The following HAUS5 variants were observed in gnomAD, a reference collection of about 807,000 sequenced individuals.
HAUS5 encodes the protein HAUS augmin-like complex subunit 5.
HAUS5 carries 67 observed loss-of-function variants against 94.1 expected under a neutral mutation model. The observed-to-expected ratio is 0.71, with a 90% confidence interval of 0.58 to 0.87. The LOEUF is 0.87. HAUS5 is among the 40% of genes least tolerant of loss of function. The pLI is 0.00. For synonymous variants in HAUS5, 339 were observed against 355.4 expected (o/e 0.95, Z 0.52); for missense variants, 739 against 825.6 (o/e 0.90, Z 1.29).
At chr19:35,614,890 G>C (rs2071927319) in intron 4 of HAUS5, 152 bp from the exon 5 acceptor site, 1 of 609,324 alleles carries the variant, frequency 1.6e-6, no homozygotes. Context: ...GGAGGAAGGA[G>C]GGAGGGAGCC....
chr19:35,613,170 CAAG>C (rs1048465266), intron 1 of HAUS5, among the ~76,000 whole-genome samples: 1 of 152,158 alleles, frequency 6.6e-6, no homozygotes, highest in African/African-American at 2.4e-5. Flanking sequence ...TTAACCTAAC[CAAG>C]AAGGACACTC....
In HAUS5 at chr19:35,622,739, A is replaced by AGGGGAACGTGCCGCGGAT. The variant is rs1428899193; in HGVS notation, c.1784+10_1784+27dup. Reference sequence around the variant, plus strand: ...CAGGGGATCGTGGGGGACTGGTGAGAGGGGAACGTGCCGCGGATGGGAAAC... The same window carrying AGGGGAACGTGCCGCGGAT: ...CAGGGGATCGTGGGGGACTGGTGAGAGGGGAACGTGCCGCGGATGGGGAACGTGCCGCGGATGGGAAAC... On this transcript the variant is annotated splice_region_variant and intron_variant, in intron 18 of 18. Transcript: ENST00000203166. The AGGGGAACGTGCCGCGGAT allele has an allele frequency of 6.2e-7, 1 of 1,613,840 alleles. No homozygotes were observed. The highest frequency in any genetic ancestry group is 1.7e-5 in the Admixed American group (1 of 60,006).
At chr19:35,614,862 G>A (rs189472980) in intron 4 of HAUS5, among the ~76,000 whole-genome samples, 180 bp from the exon 5 acceptor site, 14 of 152,290 alleles carry the variant, frequency 9.2e-5, no homozygotes, top group Admixed American at 8.5e-4. Context: ...GGCTGGAAGT[G>A]TGGGTAAGAC....
chr19:35,616,114 C>T (rs910881196), intron 6 of HAUS5, among the ~76,000 whole-genome samples: 3 of 151,924 alleles, frequency 2.0e-5, no homozygotes, highest in East Asian at 3.9e-4. Flanking sequence ...GTCAGGAGTT[C>T]GAAACCAGCC....
chr19:35,615,155 A>G lies in HAUS5; in HGVS notation c.325+8A>G. The G allele has an allele frequency of 3.1e-6, 5 of 1,610,926 alleles. No homozygotes were observed. Among genetic ancestry groups the G allele is most frequent in the Non-Finnish European group, 4.2e-6 (5 of 1,178,406 alleles). On this transcript the variant is annotated splice_region_variant and intron_variant, in intron 5 of 18. Transcript: ENST00000203166. ...GAGACACTGAGGCTCAGGGTGAGCC[A>G]TGGGGCCAGAAGATGGGCACCAGAA...
intron 4 of HAUS5, among the ~76,000 whole-genome samples, chr19:35,614,405 T>C (rs1322755031): frequency 1.3e-5 from 2 of 151,854 alleles, no homozygotes; most frequent in Non-Finnish European, 2.9e-5. Context: ...GCCAACACGG[T>C]GAAGCCCTGT....
At chr19:35,617,804 GATA>G in intron 8 of HAUS5, 48 bp from the exon 9 acceptor site, 1 of 1,497,708 alleles carries the variant, frequency 6.7e-7, no homozygotes, top group Non-Finnish European at 9.3e-7. Flanking sequence ...ATAACTAGAG[GATA>G]ATTGACGTGT....
At position 35,620,133 on chromosome 19, in the gene HAUS5, C is replaced by T. The variant is rs546587537; in HGVS notation, c.1518+10C>T. 99 of 1,612,972 alleles carry T rather than the reference C, an allele frequency of 6.1e-5. No individual in the cohort carries two copies. The highest frequency in any genetic ancestry group is 1.6e-4 in the Middle Eastern group (1 of 6,068). On this transcript the variant is annotated intron_variant, in intron 16 of 18. Coordinates refer to ENST00000203166, the MANE Select transcript of HAUS5 (RefSeq NM_015302.2). Reference sequence around the variant, plus strand: ...GCTGCCTCCAGGGAAGGTGAGTGCCCGTCTCCTGTGACTTGTCTCCCCAGC... The same window carrying T: ...GCTGCCTCCAGGGAAGGTGAGTGCCTGTCTCCTGTGACTTGTCTCCCCAGC...
intron 6 of HAUS5, 67 bp downstream of exon 6, chr19:35,615,453 C>G: frequency 3.3e-6 from 4 of 1,210,992 alleles, no homozygotes; most frequent in South Asian, 2.8e-5. Flanking sequence ...CCTCAGGGCT[C>G]TGCCCTGATC....
chr19:35,622,252 C>T (rs1967219490), intron 17 of HAUS5, among the ~76,000 whole-genome samples: 2 of 151,838 alleles, frequency 1.3e-5, no homozygotes, highest in Non-Finnish European at 2.9e-5. Context: ...GAGACTGAGG[C>T]CTGGAGCAGA....
rs1221295221 is a variant in HAUS5, at chr19:35,623,634, A to G, written c.*641A>G. ...TAGTTTGTATAGTTTCTTTTTTTAC[A>G]TGTAAATCAGCCATTTGGAATTTAT... On this transcript the variant is annotated 3_prime_UTR_variant, in exon 19 of 19. Transcript: ENST00000203166. 1 of 152,312 alleles carries G rather than the reference A, an allele frequency of 6.6e-6. No homozygotes were observed. The allele number at this position is 152,312 out of a possible 1,614,324, so 9.4% of individuals were successfully genotyped here.
At chr19:35,620,613 A>G (rs547129292) in intron 17 of HAUS5, among the ~76,000 whole-genome samples, 43 of 152,134 alleles carry the variant, frequency 2.8e-4, no homozygotes, top group Non-Finnish European at 1.5e-4. Context: ...GCTCCCAACC[A>G]CTAAGCTACA....
chr19:35,620,369 C>G (rs1270981823), intron 17 of HAUS5, 42 bp downstream of exon 17: 1 of 1,587,998 alleles, frequency 6.3e-7, no homozygotes, highest in East Asian at 2.3e-5. Context: ...CCCGCCCATT[C>G]CCACTACCAG....
chr19:35,617,268 TTCC>T lies in HAUS5; in HGVS notation c.556-13_556-11del, dbSNP rs748079213. 2.5e-6 allele frequency: 4 copies of T among 1,610,786 alleles called. No homozygotes were observed. Among genetic ancestry groups the T allele is most frequent in the Non-Finnish European group, 2.5e-6 (3 of 1,177,010 alleles). The stretch of plus-strand genomic sequence containing the variant: ...GATGCTAGGGTCCCCCTCAGGTCCC[TTCC>T]TCCTCTTCTCCCTAGCGTGATGTCC... On this transcript the variant is annotated splice_polypyrimidine_tract_variant and intron_variant, in intron 7 of 18. Transcript: ENST00000203166.
At chr19:35,614,858 A>T (rs1439799187) in intron 4 of HAUS5, among the ~76,000 whole-genome samples, 184 bp from the exon 5 acceptor site, 1 of 152,148 alleles carries the variant, frequency 6.6e-6, no homozygotes. Context: ...AACAGGCTGG[A>T]AGTGTGGGTA....
rs1329525673 is a variant in HAUS5 at position 35,623,051 on chromosome 19, C to T, written c.*58C>T. 1 of 1,121,966 alleles carries T rather than the reference C, an allele frequency of 8.9e-7. No homozygotes were observed. Among genetic ancestry groups the T allele is most frequent in the African/African-American group, 1.6e-5 (1 of 64,418 alleles). 69.5% of individuals were successfully genotyped at this position (1,121,966 alleles called of 1,614,324 possible). A position where few individuals can be genotyped will look rare whatever the true frequency, so the allele number is the denominator to read the frequency against. Reference sequence around the variant, plus strand: ...CACTGTTCACCCCAACACCTCACCTCCCCCAGGACATTTGGAAGAAAGCAG... The same window carrying T: ...CACTGTTCACCCCAACACCTCACCTTCCCCAGGACATTTGGAAGAAAGCAG... On this transcript the variant is annotated 3_prime_UTR_variant, in exon 19 of 19. Transcript: ENST00000203166.
At chr19:35,621,822 C>T (rs1238178713) in intron 17 of HAUS5, among the ~76,000 whole-genome samples, 1 of 152,126 alleles carries the variant, frequency 6.6e-6, no homozygotes, top group Non-Finnish European at 1.5e-5. Flanking sequence ...AACAAAGAGC[C>T]AGTGTCGTGA....
At position 35,623,018 on chromosome 19, in the gene HAUS5, G is replaced by T; in HGVS notation, c.*25G>T. The stretch of plus-strand genomic sequence containing the variant: ...AAGAGAGGGTTCAAACGGAAGCCGA[G>T]AACTTGACACTGTTCACCCCAACAC... On this transcript the variant is annotated 3_prime_UTR_variant, in exon 19 of 19. Coordinates refer to ENST00000203166, the MANE Select transcript of HAUS5 (RefSeq NM_015302.2). The T allele has an allele frequency of 6.8e-7, 1 of 1,466,250 alleles. No homozygotes were observed. The highest frequency in any genetic ancestry group is 1.2e-5 in the South Asian group (1 of 86,848). 90.8% of individuals were successfully genotyped at this position (1,466,250 alleles called of 1,614,324 possible).
intron 4 of HAUS5, among the ~76,000 whole-genome samples, chr19:35,614,710 G>A (rs2071925809): frequency 6.6e-6 from 1 of 152,188 alleles, no homozygotes; most frequent in Non-Finnish European, 1.5e-5. Flanking sequence ...TGAGGCCAGT[G>A]TGGGACCCAA....
Sources: allele counts gnomAD v4.1 joint callset (sites outside exome capture counted in the v4.1 genomes callset), GRCh38; gene constraint gnomAD v4.1.1; transcripts MANE v1.5; gene names NCBI Gene and HGNC (gene_info 2026-07-23, HGNC 2026-07-21).